PCDH15: variants seen among roughly 807,000 people sequenced by gnomAD.
The protein encoded by PCDH15 is protocadherin related 15, also known as protocadherin-15.
A neutral mutation model predicts 178.5 loss-of-function variants in PCDH15; 129 were observed. The ratio of observed to expected loss-of-function variants is 0.72; its 90% CI spans 0.63 to 0.84. The LOEUF is 0.84. Ranked by LOEUF, PCDH15 falls within the 40% of genes least tolerant of loss-of-function variation. The pLI is 0.00. For missense variants in PCDH15, 2,230 were observed against 2,099.9 expected (o/e 1.06, Z -1.21); for synonymous variants, 800 against 732.0 (o/e 1.09, Z -1.50).
At chr10:55,461,436 T>G (rs946266292) in intron 2 of PCDH15, among the ~76,000 whole-genome samples, 1 of 152,146 alleles carries the variant, frequency 6.6e-6, no homozygotes, top group Non-Finnish European at 1.5e-5. Context: ...AATTATAAGA[T>G]TTGGGGACTT....
At chr10:53,888,701 A>ATATATATATATATATATATATCTATC (rs1201972068) in intron 26 of PCDH15, among the ~76,000 whole-genome samples, 1 of 26,806 alleles carries the variant, frequency 3.7e-5, no homozygotes, top group African/African-American at 8.1e-5. Context: ...ATATATATAT[A>ATATATATATATATATATATATCTATC]TATCTCCTGT....
chr10:54,498,636 A>G (rs947500775), intron 3 of PCDH15, among the ~76,000 whole-genome samples: 1 of 152,164 alleles, frequency 6.6e-6, no homozygotes, highest in African/African-American at 2.4e-5. Context: ...AAAGGGTCCT[A>G]TTCTTATTAC....
At chr10:54,911,940 G>A (rs73264052) in intron 2 of PCDH15, among the ~76,000 whole-genome samples, 9,837 of 152,214 alleles carry the variant, frequency 0.065, 1,044 homozygotes, top group African/African-American at 0.22. Context: ...CTTTATAGCA[G>A]TGTAGAAAAG....
At chr10:55,068,985 C>T (rs1048542346) in intron 2 of PCDH15, among the ~76,000 whole-genome samples, 9 of 152,028 alleles carry the variant, frequency 5.9e-5, no homozygotes, top group Admixed American at 5.9e-4. Flanking sequence ...GCATCCTCCA[C>T]CTCCTGGGTT....
chr10:54,814,737 A>C (rs1402013950), intron 3 of PCDH15, among the ~76,000 whole-genome samples: 2 of 152,146 alleles, frequency 1.3e-5, no homozygotes, highest in East Asian at 1.9e-4. Context: ...GAATTTTTGC[A>C]ATCAGACCTT....
intron 1 of PCDH15, among the ~76,000 whole-genome samples, chr10:55,205,283 T>C (rs553233164): frequency 1.3e-4 from 20 of 152,148 alleles, no homozygotes; most frequent in South Asian, 1.0e-3. Flanking sequence ...ACCTAAAGTA[T>C]TTAGAATTCT....
At chr10:54,018,238 T>G (rs549633166) in intron 20 of PCDH15, among the ~76,000 whole-genome samples, 59 of 152,242 alleles carry the variant, frequency 3.9e-4, no homozygotes, top group African/African-American at 1.4e-3. Context: ...AGAATCTGAA[T>G]GATCTCACAT....
intron 8 of PCDH15, among the ~76,000 whole-genome samples, chr10:54,289,356 CA>C (rs1564875174): frequency 1.3e-5 from 2 of 152,208 alleles, no homozygotes. Flanking sequence ...TCAACATCAA[CA>C]AAAAGGACAT....
At chr10:55,244,922 C>T (rs1412113058) in intron 1 of PCDH15, among the ~76,000 whole-genome samples, 1 of 151,678 alleles carries the variant, frequency 6.6e-6, no homozygotes. Context: ...TAATGATGAC[C>T]TTATTTTTTG....
chr10:53,849,613 C>G (rs920732355), intron 28 of PCDH15, among the ~76,000 whole-genome samples: 1 of 151,798 alleles, frequency 6.6e-6, no homozygotes, highest in Non-Finnish European at 1.5e-5. Context: ...GCCTGTAATC[C>G]CAGCACTTTG....
intron 2 of PCDH15, among the ~76,000 whole-genome samples, chr10:55,625,945 C>T (rs1156330639): frequency 6.6e-6 from 1 of 152,082 alleles, no homozygotes; most frequent in East Asian, 1.9e-4. Flanking sequence ...ACACCTGGTT[C>T]AGCAGGAAGC....
chr10:53,805,737 T>G lies in PCDH15; in HGVS notation c.*842A>C, dbSNP rs1841108637. ...CCTAACCTCACCATGTCTTCCATTATGAAATTGTCGTTCTAGATGCATTAC... is the reference window on the plus strand; with the variant it reads ...CCTAACCTCACCATGTCTTCCATTAGGAAATTGTCGTTCTAGATGCATTAC... On this transcript the variant is annotated 3_prime_UTR_variant, in exon 38 of 38. Transcript: ENST00000644397. The G allele has an allele frequency of 6.6e-6, 1 of 152,138 alleles. No homozygotes were observed. The highest frequency in any genetic ancestry group is 2.1e-4 in the South Asian group (1 of 4,836). The allele number at this position is 152,138 out of a possible 1,614,324, so 9.4% of individuals were successfully genotyped here.
chr10:54,035,878 C>T (rs370852241), intron 18 of PCDH15, among the ~76,000 whole-genome samples: 5 of 151,966 alleles, frequency 3.3e-5, no homozygotes, highest in Admixed American at 2.6e-4. Context: ...AAAAGTTCTA[C>T]TCCAGTGCAA....
At chr10:54,236,564 G>A (rs561312979) in intron 9 of PCDH15, among the ~76,000 whole-genome samples, 1 of 152,066 alleles carries the variant, frequency 6.6e-6, no homozygotes, top group African/African-American at 2.4e-5. Flanking sequence ...ATACTAATAT[G>A]TAGGTTAATT....
At chr10:54,881,537 T>A (rs1024111986) in intron 3 of PCDH15, among the ~76,000 whole-genome samples, 8 of 152,088 alleles carry the variant, frequency 5.3e-5, no homozygotes, top group Non-Finnish European at 1.0e-4. Flanking sequence ...AGACCTTTTG[T>A]TTTTTGCTCT....
intron 2 of PCDH15, among the ~76,000 whole-genome samples, chr10:54,977,517 G>A (rs893502911): frequency 6.6e-6 from 1 of 152,124 alleles, no homozygotes; most frequent in Non-Finnish European, 1.5e-5. Flanking sequence ...CCAAAAAGGG[G>A]AGAAACCCCA....
At chr10:53,855,575 ATCACAT>A (rs1023643191) in intron 28 of PCDH15, among the ~76,000 whole-genome samples, 2 of 152,018 alleles carry the variant, frequency 1.3e-5, no homozygotes, top group African/African-American at 4.8e-5. Flanking sequence ...TTATGGGAAA[ATCACAT>A]ATGCTTTAAT....
At chr10:54,918,325 GA>G (rs143124091) in intron 2 of PCDH15, among the ~76,000 whole-genome samples, 10,051 of 150,652 alleles carry the variant, frequency 0.067, 1,074 homozygotes, top group African/African-American at 0.23. Flanking sequence ...AGAAGTTATA[GA>G]AAAAAAAATG....
rs1419500533 is a variant in PCDH15, at chr10:53,959,792, G to C, written c.3062C>G (p.Thr1021Arg). 2 of 1,614,078 alleles carry C rather than the reference G, an allele frequency of 1.2e-6. No individual in the cohort carries two copies. The highest frequency in any genetic ancestry group is 2.2e-5 in the South Asian group (2 of 91,088). The change falls in exon 23 of 38, where the codon ACA (threonine) becomes AGA (arginine). Residue 1021 changes from threonine (T) to arginine (R), a missense_variant. Transcript: ENST00000644397. ...DGEPVMSSSA[T>R]VKILVLHPGE... ...AGGATGTAAGACAAGAATCTTCACTGTGGCACTGCTGGACATCACAGGCTC... is the reference window on the plus strand; with the variant it reads ...AGGATGTAAGACAAGAATCTTCACTCTGGCACTGCTGGACATCACAGGCTC...
Sources: allele counts gnomAD v4.1 joint callset (sites outside exome capture counted in the v4.1 genomes callset), GRCh38; gene constraint gnomAD v4.1.1; transcripts MANE v1.5; gene names NCBI Gene and HGNC (gene_info 2026-07-23, HGNC 2026-07-21).